Variants in GNG7 observed in about 807,000 individuals in gnomAD.
GNG7 encodes the protein G protein subunit gamma 7, also known as guanine nucleotide-binding protein G(I)/G(S)/G(O) subunit gamma-7.
A neutral mutation model predicts 4.0 loss-of-function variants in GNG7; 1 was observed. That is an observed-to-expected ratio of 0.25 (90% CI 0.09 to 1.18). The LOEUF (loss-of-function observed/expected upper bound fraction) is 1.18, where lower values mean the gene tolerates loss of function less well. GNG7 is among the 50% of genes most tolerant of loss of function. The probability of loss-of-function intolerance (pLI) is 0.50; values close to 1 mark genes in which losing one functional copy is unlikely to be tolerated. For missense variants in GNG7, 86 were observed against 91.9 expected, an observed-to-expected ratio of 0.94 and a Z score of 0.26; for synonymous variants, 34 against 36.9, an observed-to-expected ratio of 0.92 and a Z score of 0.29.
chr19:2,672,601 C>T (rs1983482872), intron 1 of GNG7, among the ~76,000 whole-genome samples: 2 of 152,022 alleles, frequency 1.3e-5, no homozygotes, highest in Admixed American at 1.3e-4. Flanking sequence ...TGTGTGTCAC[C>T]ACACCGGCTA....
At chr19:2,581,622 A>G (rs1269163316) in intron 2 of GNG7, among the ~76,000 whole-genome samples, 3 of 152,136 alleles carry the variant, frequency 2.0e-5, no homozygotes, top group Admixed American at 1.3e-4. Context: ...CCCACCCTGC[A>G]GGGATGGGAC....
chr19:2,686,005 C>G (rs928246796), intron 1 of GNG7, among the ~76,000 whole-genome samples: 9 of 152,154 alleles, frequency 5.9e-5, no homozygotes, highest in Non-Finnish European at 1.3e-4. Context: ...CAGCCCCCAC[C>G]GATATCCTGC....
chr19:2,559,838 G>A (rs896659743), intron 2 of GNG7, among the ~76,000 whole-genome samples: 1 of 152,054 alleles, frequency 6.6e-6, no homozygotes, highest in Non-Finnish European at 1.5e-5. Context: ...AATGCCTATC[G>A]ATGATGTGAG....
chr19:2,687,914 C>T (rs555526520), intron 1 of GNG7, among the ~76,000 whole-genome samples: 2 of 148,088 alleles, frequency 1.4e-5, no homozygotes, highest in Admixed American at 6.8e-5. Flanking sequence ...GAGCTGAGAT[C>T]GTGCCACTGT....
At chr19:2,538,777 CTT>C in intron 3 of GNG7, 3 of 378,302 alleles carry the variant, frequency 7.9e-6, no homozygotes, top group South Asian at 4.0e-5. Context: ...TCTTTTTTTT[CTT>C]TTTTTTTGAG....
Position 2,520,710 on chromosome 19 carries a change from C to G in GNG7, c.-22G>C. On this transcript the variant is annotated 5_prime_UTR_variant, in exon 4 of 5. Transcript: ENST00000382159. ...ACATTGTCTGCCATCAGCTCTGGGC[C>G]CCGTTGTTCAGAGAGCTGTGGGGGA... 1 of 1,449,118 alleles carries G rather than the reference C, an allele frequency of 6.9e-7. No homozygotes were observed. Among genetic ancestry groups the G allele is most frequent in the Non-Finnish European group, 9.5e-7 (1 of 1,053,966 alleles). The allele number at this position is 1,449,118 out of a possible 1,614,324, so 89.8% of individuals were successfully genotyped here.
chr19:2,645,236 TCTCTCTC>T (rs1343431785), intron 2 of GNG7, among the ~76,000 whole-genome samples: 1 of 120,308 alleles, frequency 8.3e-6, no homozygotes, highest in African/African-American at 3.5e-5. Flanking sequence ...TTTCTCTCTC[TCTCTCTC>T]TTTTTTTTTT....
chr19:2,537,654 C>T (rs780081546), intron 3 of GNG7, among the ~76,000 whole-genome samples: 37 of 151,632 alleles, frequency 2.4e-4, no homozygotes, highest in African/African-American at 4.1e-4. Flanking sequence ...AAGCTGGAGG[C>T]GGGAAACTGG....
In GNG7 at chr19:2,626,280, G is replaced by C. The variant is rs1197908985; in HGVS notation, c.-78+19944C>G. Among the ~76,000 whole-genome samples the C allele has an allele frequency of 6.6e-6, 1 of 152,060 alleles. No individual in the cohort carries two copies. The highest frequency in any genetic ancestry group is 1.5e-5 in the Non-Finnish European group (1 of 68,002). ...CCTGCCCCAAACCAGCCTGACCAGC[G>C]GCACCGTGGAAACCCACCGGGATCT... On this transcript the variant is annotated intron_variant, in intron 2 of 4. Coordinates refer to ENST00000382159, the MANE Select transcript of GNG7 (RefSeq NM_052847.3). This position sits in a 1 kb window ranked among gnomAD's most constrained non-coding sequence, Gnocchi z 5.0.
intron 1 of GNG7, among the ~76,000 whole-genome samples, chr19:2,657,851 G>A (rs1983036444): frequency 6.6e-6 from 1 of 152,174 alleles, no homozygotes; most frequent in African/African-American, 2.4e-5. Context: ...CAGAATTAGT[G>A]AAAGTACTAA....
In GNG7 at chr19:2,512,038, G is replaced by A. The variant is rs899218118; in HGVS notation, c.*2984C>T. 1.0e-6 allele frequency: 1 copy of A among 985,772 alleles called. No homozygotes were observed. The highest frequency in any genetic ancestry group is 1.2e-6 in the Non-Finnish European group (1 of 829,972). The allele number at this position is 985,772 out of a possible 1,614,324, so 61.1% of individuals were successfully genotyped here. A position where few individuals can be genotyped will look rare whatever the true frequency, so the allele number is the denominator to read the frequency against. On this transcript the variant is annotated 3_prime_UTR_variant, in exon 5 of 5. Transcript: ENST00000382159. The surrounding 1 kb of genome is among the most constrained non-coding windows in gnomAD (Gnocchi z 4.7). Reference sequence around the variant, plus strand: ...AGGCCCGTGGGAGACCCAGGCTACAGAAGGAGAAACGGCCTTCTCTCTCCC... The same window carrying A: ...AGGCCCGTGGGAGACCCAGGCTACAAAAGGAGAAACGGCCTTCTCTCTCCC...
At position 2,633,847 on chromosome 19, in the gene GNG7, T is replaced by C. The variant is rs1391140323; in HGVS notation, c.-78+12377A>G. On this transcript the variant is annotated intron_variant, in intron 2 of 4. Transcript: ENST00000382159. This position sits in a 1 kb window ranked among gnomAD's most constrained non-coding sequence, Gnocchi z 5.9. ...GCATTTGGGGCTGAATCATTCTTGG[T>C]TGTGGGGCTGCCCCGGGCACTGCAG... Among the ~76,000 whole-genome samples the C allele has an allele frequency of 1.3e-5, 2 of 151,888 alleles. No homozygotes were observed. Among genetic ancestry groups the C allele is most frequent in the African/African-American group, 2.4e-5 (1 of 41,340 alleles).
intron 2 of GNG7, among the ~76,000 whole-genome samples, chr19:2,559,457 T>C (rs892808762): frequency 1.3e-5 from 2 of 151,752 alleles, no homozygotes; most frequent in African/African-American, 4.8e-5. Flanking sequence ...GCTCAAGTGA[T>C]TCTACTGCCT....
chr19:2,690,782 C>T (rs1210597049), intron 1 of GNG7, among the ~76,000 whole-genome samples: 1 of 152,042 alleles, frequency 6.6e-6, no homozygotes, highest in Non-Finnish European at 1.5e-5. Context: ...TTAATAAAGA[C>T]GGGGTTTCAC....
At chr19:2,574,989 G>T (rs1980262073) in intron 2 of GNG7, among the ~76,000 whole-genome samples, 1 of 152,184 alleles carries the variant, frequency 6.6e-6, no homozygotes, top group Non-Finnish European at 1.5e-5. Flanking sequence ...TTAGGCTTAG[G>T]GGCACAATGG....
At chr19:2,691,404 C>T (rs1200325912) in intron 1 of GNG7, among the ~76,000 whole-genome samples, 6 of 151,802 alleles carry the variant, frequency 4.0e-5, no homozygotes, top group African/African-American at 1.5e-4. Flanking sequence ...ATTAGCCAGT[C>T]GTGGTGTTAC....
At chr19:2,691,441 G>C (rs1913132720) in intron 1 of GNG7, among the ~76,000 whole-genome samples, 1 of 152,128 alleles carries the variant, frequency 6.6e-6, no homozygotes, top group Non-Finnish European at 1.5e-5. Flanking sequence ...CTACTCAGGA[G>C]GCTGAGGTGG....
At chr19:2,679,510 A>G (rs1413303377) in intron 1 of GNG7, among the ~76,000 whole-genome samples, 1 of 152,162 alleles carries the variant, frequency 6.6e-6, no homozygotes, top group East Asian at 1.9e-4. Flanking sequence ...CTGACACACA[A>G]GGAAACAGAA....
intron 2 of GNG7, among the ~76,000 whole-genome samples, chr19:2,631,280 C>A (rs1982151947): frequency 6.6e-6 from 1 of 152,152 alleles, no homozygotes; most frequent in South Asian, 2.1e-4. Context: ...GAGCCCAAGC[C>A]CTAAACTGCT....
Sources: gnomAD v4.1 joint callset for allele counts (sites outside exome capture counted in the v4.1 genomes callset) on GRCh38, gnomAD v4.1.1 for gene constraint, Gnocchi (gnomAD v3.1) non-coding constraint, MANE v1.5 for transcripts, NCBI Gene and HGNC (gene_info 2026-07-23, HGNC 2026-07-21) for gene names.